Variants in DHRS2 observed in about 807,000 individuals in gnomAD.
The protein encoded by DHRS2 is dehydrogenase/reductase SDR family member 2, mitochondrial.
In DHRS2, 29 loss-of-function variants were observed where a neutral mutation model predicts 26.3. The ratio of observed to expected loss-of-function variants is 1.10; its 90% CI spans 0.82 to 1.50. DHRS2 has a LOEUF of 1.50. Among genes scored for constraint, DHRS2 ranks in the 40% most tolerant of loss-of-function variants. The probability of loss-of-function intolerance (pLI) is 0.00; values close to 1 mark genes in which losing one functional copy is unlikely to be tolerated. For missense variants in DHRS2, 439 were observed against 367.1 expected, an observed-to-expected ratio of 1.20 and a Z score of -1.60; for synonymous variants, 164 against 151.3, an observed-to-expected ratio of 1.08 and a Z score of -0.62.
rs756901964 is a variant in DHRS2 at position 23,645,171 on chromosome 14, T to C, written c.761T>C (p.Ile254Thr). ...RIGESEDCAG[I>T]VSFLCSPDAS... ...GGGGAGTCAGAGGACTGTGCAGGAATCGTGTCCTTCCTGTGCTCTCCAGAT... is the reference window on the plus strand; with the variant it reads ...GGGGAGTCAGAGGACTGTGCAGGAACCGTGTCCTTCCTGTGCTCTCCAGAT... The change falls in exon 9 of 9, where the codon ATC (isoleucine) becomes ACC (threonine). Residue 254 changes from isoleucine to threonine, a missense_variant. Coordinates refer to ENST00000250383, the MANE Select transcript of DHRS2 (RefSeq NM_005794.4). 3.7e-6 allele frequency: 6 copies of C among 1,614,122 alleles called. No individual in the cohort carries two copies. In the Middle Eastern group the frequency reaches 4.9e-4, roughly 133 times the overall value.
upstream of DHRS2, among the ~76,000 whole-genome samples, chr14:23,635,367 T>C (rs1240802490): frequency 2.6e-5 from 4 of 152,212 alleles, no homozygotes; most frequent in East Asian, 7.7e-4. Flanking sequence ...GTTAGTTCTT[T>C]ATAGCAGTGT....
In DHRS2 at chr14:23,642,162, CCT is replaced by C. The variant is rs1555367523; in HGVS notation, c.421-989_421-988del. The C allele has an allele frequency of 3.9e-6, 4 of 1,026,794 alleles. No individual in the cohort carries two copies. In the African/African-American group the frequency reaches 6.8e-5, roughly 18 times the overall value. 63.6% of individuals were successfully genotyped at this position (1,026,794 alleles called of 1,614,324 possible). ...GCATGGCAATTCTCTGTTGTGTCTCCCTGTTTGTATTGGCTGCAGGAAAGCTC... is the reference window on the plus strand; with the variant it reads ...GCATGGCAATTCTCTGTTGTGTCTCCGTTTGTATTGGCTGCAGGAAAGCTC... On this transcript the variant is annotated intron_variant, in intron 4 of 8. Coordinates refer to ENST00000250383, the MANE Select transcript of DHRS2 (RefSeq NM_005794.4).
At chr14:23,636,238 C>G (rs1890274124), upstream of DHRS2, 1 of 152,274 alleles carries the variant, frequency 6.6e-6, no homozygotes, top group East Asian at 1.9e-4. Context: ...CCAATCAGCT[C>G]TCTGTAAAAC....
In DHRS2 at chr14:23,645,468, G is replaced by T; in HGVS notation, c.*215G>T. On this transcript the variant is annotated 3_prime_UTR_variant, in exon 9 of 9. Transcript: ENST00000250383. ...ATTTGGCTGATCCAATTAACATGTGGGGTTCTTGGTGTGGGTCTGGGGAGC... is the reference window on the plus strand; with the variant it reads ...ATTTGGCTGATCCAATTAACATGTGTGGTTCTTGGTGTGGGTCTGGGGAGC... 1 of 972,898 alleles carries T rather than the reference G, an allele frequency of 1.0e-6. No individual in the cohort carries two copies. The highest frequency in any genetic ancestry group is 2.8e-5 in the Admixed American group (1 of 35,496). 60.3% of individuals were successfully genotyped at this position (972,898 alleles called of 1,614,324 possible).
At chr14:23,639,724 A>C in intron 3 of DHRS2, 70 bp from the exon 4 acceptor site, 1 of 1,477,344 alleles carries the variant, frequency 6.8e-7, no homozygotes. Flanking sequence ...AGGCCTTATG[A>C]CCTGGGCTGC....
chr14:23,631,846 A>C (rs1240517808), upstream of DHRS2, among the ~76,000 whole-genome samples: 1 of 151,914 alleles, frequency 6.6e-6, no homozygotes, highest in African/African-American at 2.4e-5. Flanking sequence ...GAAGCTGCTC[A>C]CTCTTCCCAT....
At chr14:23,641,479 C>A in intron 4 of DHRS2, 1 of 600,458 alleles carries the variant, frequency 1.7e-6, no homozygotes, top group Non-Finnish European at 2.5e-6. Flanking sequence ...TTTTCTTCAT[C>A]AAGGGAGGGA....
intron 1 of DHRS2, chr14:23,638,343 C>T (rs544428025): frequency 2.7e-4 from 48 of 177,574 alleles, no homozygotes; most frequent in African/African-American, 9.3e-4. Flanking sequence ...TGCGAGGGTC[C>T]GTGGCTTCAT....
At chr14:23,643,060 G>T in intron 4 of DHRS2, 92 bp from the exon 5 acceptor site, 1 of 1,310,398 alleles carries the variant, frequency 7.6e-7, no homozygotes, top group South Asian at 1.2e-5. Context: ...TGGGTCTACT[G>T]CACAAATTAC....
Position 23,645,421 on chromosome 14 carries a change from C to T in DHRS2, c.*168C>T. 2 of 1,385,738 alleles carry T rather than the reference C, an allele frequency of 1.4e-6. No individual in the cohort carries two copies. Among genetic ancestry groups the T allele is most frequent in the Non-Finnish European group, 2.0e-6 (2 of 1,023,342 alleles). 85.8% of individuals were successfully genotyped at this position (1,385,738 alleles called of 1,614,324 possible). On this transcript the variant is annotated 3_prime_UTR_variant, in exon 9 of 9. Transcript: ENST00000250383. ...AGAAGAAAAACGCTTCGGCATTCTC[C>T]TTAGGACTTATCTGCTTGTAGATTT...
At chr14:23,641,352 C>A in intron 4 of DHRS2, 1 of 230,474 alleles carries the variant, frequency 4.3e-6, no homozygotes. Flanking sequence ...AAAACCACAT[C>A]ACCTCCATCC....
chr14:23,632,200 A>G (rs1890139990), upstream of DHRS2, among the ~76,000 whole-genome samples: 1 of 152,210 alleles, frequency 6.6e-6, no homozygotes, highest in Non-Finnish European at 1.5e-5. Flanking sequence ...GATTCCTCTC[A>G]ACCTCAAAAG....
In DHRS2 at chr14:23,638,919, C is replaced by A; in HGVS notation, c.55C>A (p.Leu19Ile). The change falls in exon 2 of 9, where the codon CTT becomes ATT. Residue 19 changes from leucine (L) to isoleucine (I), a missense_variant. Physicochemically the swap from Leu to Ile is conservative, Grantham distance 5. Transcript: ENST00000250383. Reference protein sequence around the residue: ...YQGWFHPCARLSVRMSSTGID... With the variant: ...YQGWFHPCARISVRMSSTGID... ...GGGCTGGTTTCATCCCTGTGCTAGG[C>A]TTTCTGTGAGGATGAGCAGCACCGG... is the stretch of plus-strand genomic sequence containing the variant. The A allele has an allele frequency of 6.2e-7, 1 of 1,614,202 alleles. No homozygotes were observed. The highest frequency in any genetic ancestry group is 8.5e-7 in the Non-Finnish European group (1 of 1,180,032).
chr14:23,634,226 C>T (rs930180882), upstream of DHRS2, among the ~76,000 whole-genome samples: 2 of 152,012 alleles, frequency 1.3e-5, no homozygotes, highest in African/African-American at 4.8e-5. Context: ...CGCCACCACA[C>T]CTGGCTAATT....
At chr14:23,638,378 C>T (rs1594240528) in intron 1 of DHRS2, 1 of 186,938 alleles carries the variant, frequency 5.3e-6, no homozygotes, top group Admixed American at 5.9e-5. Context: ...AGACCAAGAA[C>T]CCACCAATTC....
chr14:23,642,865 G>A (rs1162448671), intron 4 of DHRS2: 3 of 298,202 alleles, frequency 1.0e-5, no homozygotes, highest in Non-Finnish European at 1.9e-5. Flanking sequence ...ACTGCCCCCA[G>A]TCCCCATTTT....
In DHRS2 at chr14:23,639,346, T is replaced by C. The variant is rs751886725; in HGVS notation, c.308T>C (p.Leu103Pro). 6.4e-7 allele frequency: 1 copy of C among 1,568,304 alleles called. No homozygotes were observed. Among genetic ancestry groups the C allele is most frequent in the Non-Finnish European group, 8.6e-7 (1 of 1,158,540 alleles). ...GGGAAGGCTGAGGACCGGGAGCAGC[T>C]GGTGGCCAAGGTGAGGGGGCAGGCG... ...HVGKAEDREQ[L>P]VAKALEHCGG... The change falls in exon 3 of 9, where the codon CTG (leucine) becomes CCG (proline). Residue 103 changes from leucine to proline, a missense_variant. Physicochemically the swap from Leu to Pro is moderately conservative, Grantham distance 98. Coordinates refer to ENST00000250383, the MANE Select transcript of DHRS2 (RefSeq NM_005794.4).
At chr14:23,644,957 C>T in intron 8 of DHRS2, 75 bp downstream of exon 8, 1 of 1,571,178 alleles carries the variant, frequency 6.4e-7, no homozygotes, top group Admixed American at 1.7e-5. Context: ...AAGAGCAGAC[C>T]CCTCCCTGTC....
At position 23,645,418 on chromosome 14, in the gene DHRS2, C is replaced by T. The variant is rs565666759; in HGVS notation, c.*165C>T. The T allele has an allele frequency of 7.2e-7, 1 of 1,391,666 alleles. No individual in the cohort carries two copies. Among genetic ancestry groups the T allele is most frequent in the East Asian group, 2.3e-5 (1 of 43,178 alleles). The allele number at this position is 1,391,666 out of a possible 1,614,324, so 86.2% of individuals were successfully genotyped here. On this transcript the variant is annotated 3_prime_UTR_variant, in exon 9 of 9. Coordinates refer to ENST00000250383, the MANE Select transcript of DHRS2 (RefSeq NM_005794.4). ...GGAAGAAGAAAAACGCTTCGGCATT[C>T]TCCTTAGGACTTATCTGCTTGTAGA...
Sources: gnomAD v4.1 joint callset for allele counts (sites outside exome capture counted in the v4.1 genomes callset) on GRCh38, gnomAD v4.1.1 for gene constraint, MANE v1.5 for transcripts, NCBI Gene and HGNC (gene_info 2026-07-23, HGNC 2026-07-21) for gene names.